C4orf50: variants seen among roughly 807,000 people sequenced by gnomAD.
C4orf50 encodes uncharacterized protein C4orf50.
C4orf50 carries 80 observed loss-of-function variants against 77.2 expected under a neutral mutation model. The ratio of observed to expected loss-of-function variants is 1.04; its 90% CI spans 0.87 to 1.25. The LOEUF (loss-of-function observed/expected upper bound fraction) is 1.25, where lower values mean the gene tolerates loss of function less well. Among genes scored for constraint, C4orf50 ranks in the 50% most tolerant of loss-of-function variants. The pLI is 0.00. For missense variants in C4orf50, 1,257 were observed against 1,152.9 expected, an observed-to-expected ratio of 1.09 and a Z score of -1.31; for synonymous variants, 532 against 465.3, an observed-to-expected ratio of 1.14 and a Z score of -1.84.
exon 28 of C4orf50, chr4:5,988,956 T>A (rs1721078933): frequency 2.0e-5 from 30 of 1,536,032 alleles, no homozygotes; most frequent in Non-Finnish European, 2.6e-5. Flanking sequence ...CTTTCTGGAG[T>A]TGGCCCAGAT....
intron 7 of C4orf50, among the ~76,000 whole-genome samples, chr4:5,937,013 T>G (rs1379074085): frequency 6.6e-6 from 1 of 151,160 alleles, no homozygotes; most frequent in Admixed American, 6.6e-5. Context: ...TGAAGCTAAA[T>G]GATCACCTAA....
At chr4:5,938,079 G>T (rs1311937211) in intron 7 of C4orf50, among the ~76,000 whole-genome samples, 3 of 152,102 alleles carry the variant, frequency 2.0e-5, no homozygotes, top group African/African-American at 7.2e-5. Context: ...TCATGTAATG[G>T]ACGTATATAT....
chr4:5,990,121 A>G (rs1721175230), exon 28 of C4orf50: 1 of 1,274,202 alleles, frequency 7.8e-7, no homozygotes, highest in Non-Finnish European at 9.9e-7. Flanking sequence ...CCTCCTGCTC[A>G]GGGATTCGGG....
chr4:5,953,958 C>T (rs1160912637), downstream of C4orf50, among the ~76,000 whole-genome samples: 1 of 152,202 alleles, frequency 6.6e-6, no homozygotes, highest in Non-Finnish European at 1.5e-5. Flanking sequence ...GGATTTCAGC[C>T]CCTTCTGCCC....
chr4:5,975,326 C>G (rs939141895), intron 30 of C4orf50, among the ~76,000 whole-genome samples: 3 of 152,100 alleles, frequency 2.0e-5, no homozygotes, highest in African/African-American at 7.2e-5. Flanking sequence ...GCCTCAAAGG[C>G]TGGGACCCAC....
chr4:5,933,999 G>C (rs1245040496), intron 7 of C4orf50, among the ~76,000 whole-genome samples: 2 of 152,118 alleles, frequency 1.3e-5, no homozygotes, highest in Admixed American at 6.5e-5. Flanking sequence ...GGGTGTCTGT[G>C]AGCGAGAATC....
At chr4:5,934,189 C>T (rs893632356) in intron 7 of C4orf50, among the ~76,000 whole-genome samples, 4 of 151,982 alleles carry the variant, frequency 2.6e-5, no homozygotes, top group Middle Eastern at 6.3e-3. Context: ...AGAGAGTAGA[C>T]GGCTGCATGG....
At chr4:5,989,188 C>G in exon 28 of C4orf50, 1 of 1,536,106 alleles carries the variant, frequency 6.5e-7, no homozygotes, top group Non-Finnish European at 8.7e-7. Context: ...TTCATGGAAC[C>G]TCTCTTGGTC....
At position 5,967,558 on chromosome 4, in the gene C4orf50, C is replaced by T. The variant is rs1012444998; in HGVS notation, c.4105-96G>A. 6.7e-6 allele frequency: 8 copies of T among 1,185,800 alleles called. No individual in the cohort carries two copies. The Admixed American group carries it at 1.4e-4, about 20-fold the overall frequency. 73.5% of individuals were successfully genotyped at this position (1,185,800 alleles called of 1,614,324 possible). Reference sequence around the variant, plus strand: ...ATTGGACCAAGCAGGGCCATCACCCCTCCCCGCAAAAAACCGCTTTCTGTG... The same window carrying T: ...ATTGGACCAAGCAGGGCCATCACCCTTCCCCGCAAAAAACCGCTTTCTGTG... On this transcript the variant is annotated intron_variant, in intron 31 of 33. Coordinates refer to ENST00000531445, the Ensembl canonical transcript of C4orf50.
At chr4:5,979,401 C>T (rs865814424) in intron 29 of C4orf50, among the ~76,000 whole-genome samples, 1 of 152,066 alleles carries the variant, frequency 6.6e-6, no homozygotes, top group South Asian at 2.1e-4. Flanking sequence ...TATGAAAATG[C>T]CACAAGATTC....
At chr4:5,988,771 A>T (rs911062499) in exon 28 of C4orf50, 1 of 1,536,078 alleles carries the variant, frequency 6.5e-7, no homozygotes, top group Non-Finnish European at 8.7e-7. Flanking sequence ...CCTGCGTAGA[A>T]GGTGCTCGTT....
intron 7 of C4orf50, among the ~76,000 whole-genome samples, chr4:5,951,530 C>CAAA (rs1577923571): frequency 1.3e-5 from 2 of 152,030 alleles, no homozygotes; most frequent in East Asian, 3.9e-4. Flanking sequence ...CCTTCATGAG[C>CAAA]AAAGAAATAC....
rs540070291 is a variant in C4orf50 at position 5,967,974 on chromosome 4, G to C, written c.4105-512C>G. ...ACTGGTTGGCCGACGGCCCCCAAGT[G>C]GTTGAGCAAGAGCAACTGCTGGATC... On this transcript the variant is annotated intron_variant, in intron 31 of 33. Coordinates refer to ENST00000531445, the Ensembl canonical transcript of C4orf50. 8.5e-5 allele frequency among the ~76,000 whole-genome samples: 13 copies of C among 152,346 alleles called. No homozygotes were observed. In the South Asian group the frequency reaches 2.7e-3, roughly 32 times the overall value.
chr4:5,979,007 T>C (rs1329398624), intron 29 of C4orf50, among the ~76,000 whole-genome samples: 1 of 152,250 alleles, frequency 6.6e-6, no homozygotes, highest in Non-Finnish European at 1.5e-5. Flanking sequence ...GCTGAGGCTG[T>C]ATTTTTCATC....
At chr4:5,904,902 T>G (rs982442556) in intron 7 of C4orf50, 16 of 152,266 alleles carry the variant, frequency 1.1e-4, no homozygotes, top group South Asian at 8.3e-4. Flanking sequence ...GAATGGTAAA[T>G]CAATGAGTCC....
chr4:5,991,360 T>C (rs1721283425), intron 27 of C4orf50, among the ~76,000 whole-genome samples: 1 of 152,218 alleles, frequency 6.6e-6, no homozygotes, highest in African/African-American at 2.4e-5. Context: ...AGATGCAGAC[T>C]GTGAGCAGCG....
intron 7 of C4orf50, among the ~76,000 whole-genome samples, chr4:5,943,822 T>G (rs1396360576): frequency 3.9e-5 from 6 of 152,190 alleles, no homozygotes; most frequent in Admixed American, 1.3e-4. Flanking sequence ...TGTGTAAGAT[T>G]AGACTCATCG....
intron 28 of C4orf50, among the ~76,000 whole-genome samples, chr4:5,987,497 T>A (rs1208464917): frequency 7.5e-6 from 1 of 133,486 alleles, no homozygotes; most frequent in African/African-American, 2.8e-5. Flanking sequence ...ATAAAATCAA[T>A]AAAAGTAAAA....
At chr4:6,004,584 T>A (rs200315156) in intron 25 of C4orf50, among the ~76,000 whole-genome samples, 39 of 10,838 alleles carry the variant, frequency 3.6e-3, no homozygotes, top group South Asian at 8.1e-3. Context: ...GATGGTGATG[T>A]TGGTGATGAT....
Sources: gnomAD v4.1 joint callset for allele counts (sites outside exome capture counted in the v4.1 genomes callset) on GRCh38, gnomAD v4.1.1 for gene constraint, MANE v1.5 for transcripts, NCBI Gene and HGNC (gene_info 2026-07-23, HGNC 2026-07-21) for gene names.